Variants in CDK12 observed in about 807,000 individuals in gnomAD.
CDK12 encodes the protein cyclin dependent kinase 12.
A neutral mutation model predicts 133.8 loss-of-function variants in CDK12; 17 were observed. The observed-to-expected ratio is 0.13, with a 90% CI of 0.09 to 0.19. The LOEUF (loss-of-function observed/expected upper bound fraction) is 0.19. Ranked by LOEUF, CDK12 falls within the 10% of genes least tolerant of loss-of-function variation. CDK12 has a pLI of 1.00. For missense variants in CDK12, 1,508 were observed against 1,818.7 expected (o/e 0.83, Z 3.11); for synonymous variants, 694 against 683.6 (o/e 1.02, Z -0.24).
chr17:39,472,804 G>T (rs1482288768), intron 2 of CDK12, among the ~76,000 whole-genome samples: 1 of 149,600 alleles, frequency 6.7e-6, no homozygotes, highest in South Asian at 2.1e-4. Flanking sequence ...GGCCAGGCGC[G>T]GTGGCTCACG....
chr17:39,491,322 C>T (rs912172187), intron 3 of CDK12, among the ~76,000 whole-genome samples: 3 of 152,094 alleles, frequency 2.0e-5, no homozygotes, highest in Admixed American at 6.6e-5. Flanking sequence ...ACCGCAACCT[C>T]GGCTTCCTGG....
At chr17:39,493,165 TG>T (rs779536521) in intron 4 of CDK12, among the ~76,000 whole-genome samples, 70 of 112,526 alleles carry the variant, frequency 6.2e-4, no homozygotes, top group Admixed American at 1.8e-3. Context: ...GACTAATTTT[TG>T]TTTTTTTTTT....
Position 39,532,105 on chromosome 17 carries a change from TCTCTC to T in CDK12, c.*790_*794del, listed in dbSNP as rs1227687685. The T allele has an allele frequency of 6.5e-5, 1 of 15,364 alleles. No homozygotes were observed. Among genetic ancestry groups the T allele is most frequent in the Non-Finnish European group, 2.2e-4 (1 of 4,510 alleles). The allele number at this position is 15,364 out of a possible 1,614,324, so 1.0% of individuals were successfully genotyped here. On this transcript the variant is annotated 3_prime_UTR_variant, in exon 14 of 14. Coordinates refer to ENST00000447079, the MANE Select transcript of CDK12 (RefSeq NM_016507.4). ...GATGTGTGCTCTCTCTCTCTCTTTC[TCTCTC>T]TCTCTCTCTCTCTCTCTCTCTCTCT...
chr17:39,481,903 G>A (rs921395686), intron 2 of CDK12, among the ~76,000 whole-genome samples: 6 of 150,988 alleles, frequency 4.0e-5, no homozygotes, highest in African/African-American at 1.5e-4. Context: ...TGTATCCTTA[G>A]TAGAGATGGG....
At chr17:39,473,738 AGCTGGGCGTGGTG>A (rs2049975945) in intron 2 of CDK12, among the ~76,000 whole-genome samples, 2 of 152,056 alleles carry the variant, frequency 1.3e-5, no homozygotes, top group Non-Finnish European at 2.9e-5. Flanking sequence ...TACAAAAATT[AGCTGGGCGTGGTG>A]GCGGTTGCCT....
downstream of CDK12, among the ~76,000 whole-genome samples, chr17:39,565,724 G>A (rs374710179): frequency 2.0e-5 from 3 of 152,198 alleles, no homozygotes; most frequent in African/African-American, 4.8e-5. Context: ...GTGAGCCACC[G>A]TGCCCAGCTT....
intron 6 of CDK12, among the ~76,000 whole-genome samples, chr17:39,507,478 C>T (rs963191238): frequency 2.6e-5 from 4 of 151,392 alleles, no homozygotes; most frequent in Admixed American, 6.6e-5. Context: ...CCCAGCTACT[C>T]GGGAGGCAGA....
At chr17:39,478,399 A>G (rs2050382794) in intron 2 of CDK12, among the ~76,000 whole-genome samples, 1 of 151,710 alleles carries the variant, frequency 6.6e-6, no homozygotes, top group Non-Finnish European at 1.5e-5. Flanking sequence ...TCATCATGTC[A>G]TCCAGGCTGG....
At position 39,521,344 on chromosome 17, in the gene CDK12, C is replaced by G. The variant is rs2054153843; in HGVS notation, c.3095+1257C>G. Among the ~76,000 whole-genome samples, 2 of 152,086 alleles carry G rather than the reference C, an allele frequency of 1.3e-5. 1 individual carries two copies. Among genetic ancestry groups the G allele is most frequent in the South Asian group, 4.1e-4 (2 of 4,830 alleles). On this transcript the variant is annotated intron_variant, in intron 11 of 13. Transcript: ENST00000447079. ...GGAGTGCAGTGGTGTGATATTGGCT[C>G]ACTGCAATCTCCGCCTCCCAGTTTC...
chr17:39,462,517 G>C lies in CDK12; in HGVS notation c.446G>C (p.Gly149Ala), dbSNP rs2144879582. The C allele has an allele frequency of 1.2e-6, 2 of 1,614,152 alleles. No homozygotes were observed. The highest frequency in any genetic ancestry group is 8.5e-7 in the Non-Finnish European group (1 of 1,180,024). Residue 149 changes from glycine to alanine, a missense_variant, in exon 1 of 14, where the codon GGA (glycine) becomes GCA (alanine). This residue lies in a region of CDK12 where 460 missense variants were observed against 490.8 expected (regional missense o/e 0.94). Coordinates refer to ENST00000447079, the MANE Select transcript of CDK12 (RefSeq NM_016507.4). Reference sequence around the variant, plus strand: ...GGATCGATGAAGGACCGGATATCGGGAAGTTCAAAGCGTTCGAATGAGGAG... The same window carrying C: ...GGATCGATGAAGGACCGGATATCGGCAAGTTCAAAGCGTTCGAATGAGGAG... ...KSGSMKDRISGSSKRSNEETD... is the reference protein window; with the variant it reads ...KSGSMKDRISASSKRSNEETD...
chr17:39,491,332 G>A (rs1290658822), intron 3 of CDK12, among the ~76,000 whole-genome samples: 3 of 152,094 alleles, frequency 2.0e-5, no homozygotes, highest in African/African-American at 7.2e-5. Flanking sequence ...CGGCTTCCTG[G>A]TTCAAGCAAC....
rs1404695197 is a variant in CDK12, at chr17:39,461,520, G to C, written c.-552G>C. On this transcript the variant is annotated 5_prime_UTR_variant, in exon 1 of 14. Transcript: ENST00000447079. ...TTCGGTTTAATCTAGTGTGTGACTG[G>C]GTCTGTGTGAGGGAGAGAGTGTGTG... 4.2e-6 allele frequency: 1 copy of C among 238,110 alleles called. No individual in the cohort carries two copies. 14.7% of individuals were successfully genotyped at this position (238,110 alleles called of 1,614,324 possible).
Position 39,461,511 on chromosome 17 carries a change from G to A in CDK12, c.-561G>A, listed in dbSNP as rs536022483. ...AAGTGCCGTTTCGGTTTAATCTAGT[G>A]TGTGACTGGGTCTGTGTGAGGGAGA... On this transcript the variant is annotated 5_prime_UTR_variant, in exon 1 of 14. The change creates a new upstream start codon in the 5' untranslated region. Transcript: ENST00000447079. 1 of 236,278 alleles carries A rather than the reference G, an allele frequency of 4.2e-6. No individual in the cohort carries two copies. The highest frequency in any genetic ancestry group is 2.2e-5 in the African/African-American group (1 of 45,338). The allele number at this position is 236,278 out of a possible 1,614,324, so 14.6% of individuals were successfully genotyped here.
chr17:39,559,575 C>T (rs548009154), intron 3 of CDK12, among the ~76,000 whole-genome samples: 2 of 152,268 alleles, frequency 1.3e-5, no homozygotes, highest in South Asian at 4.1e-4. Context: ...TAATGTAGTA[C>T]ATAACTTTTT....
chr17:39,504,078 G>C (rs1444371928), intron 6 of CDK12, among the ~76,000 whole-genome samples: 1 of 152,098 alleles, frequency 6.6e-6, no homozygotes, highest in Non-Finnish European at 1.5e-5. Context: ...GTGAGTGTAT[G>C]GTAGATAATG....
intron 13 of CDK12, among the ~76,000 whole-genome samples, chr17:39,527,597 G>A (rs2054569946): frequency 6.6e-6 from 1 of 152,244 alleles, no homozygotes. Context: ...GCCCAGGCTG[G>A]AGTGCAATGG....
intron 13 of CDK12, among the ~76,000 whole-genome samples, chr17:39,527,766 C>T (rs923447326): frequency 2.0e-5 from 3 of 151,838 alleles, no homozygotes; most frequent in Non-Finnish European, 4.4e-5. Flanking sequence ...AGGCTGGTCT[C>T]GAACTCCCAG....
intron 1 of CDK12, among the ~76,000 whole-genome samples, chr17:39,469,079 G>A (rs1192843295): frequency 6.6e-6 from 1 of 152,060 alleles, no homozygotes; most frequent in East Asian, 1.9e-4. Flanking sequence ...TGCTGCCTCG[G>A]CCTCCCGAAG....
upstream of CDK12, among the ~76,000 whole-genome samples, chr17:39,544,573 G>A (rs561868222): frequency 4.6e-5 from 7 of 151,418 alleles, no homozygotes; most frequent in South Asian, 8.4e-4. Context: ...CGCCTCCGGG[G>A]TTCAAGTGAT....
Sources: gnomAD v4.1 joint callset for allele counts (sites outside exome capture counted in the v4.1 genomes callset) on GRCh38, gnomAD v4.1.1 for gene constraint, gnomAD v4.1.1 regional missense constraint, MANE v1.5 for transcripts, NCBI Gene and HGNC (gene_info 2026-07-23, HGNC 2026-07-21) for gene names.